The following NTRK2 variants were observed in gnomAD, a reference collection of about 807,000 sequenced individuals.
NTRK2 encodes the protein neurotrophic receptor tyrosine kinase 2, also known as BDNF/NT-3 growth factors receptor.
NTRK2 carries 13 observed loss-of-function variants against 94.5 expected under a neutral mutation model. The ratio of observed to expected loss-of-function variants is 0.14; its 90% CI spans 0.09 to 0.22. The LOEUF is 0.22. Ranked by LOEUF, NTRK2 falls within the 10% of genes least tolerant of loss-of-function variation. The pLI, the probability that NTRK2 is intolerant of heterozygous loss-of-function variation, is 1.00. For synonymous variants in NTRK2, 372 were observed against 407.4 expected, an observed-to-expected ratio of 0.91 and a Z score of 1.05; for missense variants, 639 against 1,071.2, an observed-to-expected ratio of 0.60 and a Z score of 5.63.
chr9:84,807,179 A>G (rs2071221331), intron 12 of NTRK2, among the ~76,000 whole-genome samples: 1 of 152,202 alleles, frequency 6.6e-6, no homozygotes, highest in Non-Finnish European at 1.5e-5. Flanking sequence ...GATCCTTGCC[A>G]TTTTATGGCT....
At chr9:84,789,479 C>T (rs962073813) in intron 12 of NTRK2, among the ~76,000 whole-genome samples, 3 of 152,082 alleles carry the variant, frequency 2.0e-5, no homozygotes, top group Admixed American at 6.6e-5. Context: ...CGGAAAACAC[C>T]GAGGCTCAAG....
chr9:84,704,314 C>T (rs1191117268), intron 4 of NTRK2, among the ~76,000 whole-genome samples: 2 of 149,366 alleles, frequency 1.3e-5, no homozygotes, highest in Middle Eastern at 3.4e-3. Flanking sequence ...CTGCAAGCTC[C>T]GCCTCCTGGG....
At chr9:85,003,127 T>G (rs745977948) in intron 17 of NTRK2, among the ~76,000 whole-genome samples, 12 of 152,216 alleles carry the variant, frequency 7.9e-5, no homozygotes, top group Non-Finnish European at 1.2e-4. Flanking sequence ...AGCAAAGCCA[T>G]TCAGCTCACC....
chr9:84,688,563 C>T (rs570126387), intron 2 of NTRK2, among the ~76,000 whole-genome samples: 2 of 152,258 alleles, frequency 1.3e-5, no homozygotes, highest in South Asian at 4.1e-4. Flanking sequence ...ATAGATCTGT[C>T]CCCAGCAGTC....
chr9:84,684,722 C>G (rs1269946328), intron 2 of NTRK2, among the ~76,000 whole-genome samples: 1 of 152,138 alleles, frequency 6.6e-6, no homozygotes, highest in Non-Finnish European at 1.5e-5. Context: ...ACCTCAATTG[C>G]TGTATTTTGC....
chr9:84,825,063 G>A (rs1423012516), intron 12 of NTRK2, among the ~76,000 whole-genome samples: 1 of 151,628 alleles, frequency 6.6e-6, no homozygotes, highest in African/African-American at 2.4e-5. Flanking sequence ...TGCTGTAGTG[G>A]ACAATTTGCT....
chr9:84,706,618 C>T (rs1659405), intron 4 of NTRK2, among the ~76,000 whole-genome samples: 74,075 of 148,470 alleles, frequency 0.5, 18,788 homozygotes, highest in East Asian at 0.59. Context: ...CAAGCTCTGC[C>T]TCCCGGGTTC....
intron 17 of NTRK2, among the ~76,000 whole-genome samples, chr9:84,989,132 C>G (rs1316072873): frequency 6.6e-6 from 1 of 152,170 alleles, no homozygotes; most frequent in Non-Finnish European, 1.5e-5. Flanking sequence ...GCTTGTAGGA[C>G]TAAAGTAGTA....
At chr9:84,756,078 A>C (rs1257452869) in intron 12 of NTRK2, among the ~76,000 whole-genome samples, 3 of 152,226 alleles carry the variant, frequency 2.0e-5, no homozygotes, top group Non-Finnish European at 4.4e-5. Flanking sequence ...TTTAATATGT[A>C]TGAATAAAAT....
At chr9:84,856,365 C>T (rs1348527105) in intron 12 of NTRK2, among the ~76,000 whole-genome samples, 1 of 152,180 alleles carries the variant, frequency 6.6e-6, no homozygotes, top group Non-Finnish European at 1.5e-5. Context: ...TGGCCCCAAA[C>T]TACACTGTTC....
intron 2 of NTRK2, among the ~76,000 whole-genome samples, chr9:84,688,327 T>C (rs1383645130): frequency 6.6e-6 from 1 of 152,178 alleles, no homozygotes; most frequent in Admixed American, 6.5e-5. Context: ...CTCTGCCTCA[T>C]TGTGCTTTTG....
intron 17 of NTRK2, among the ~76,000 whole-genome samples, chr9:84,967,561 C>T (rs1825699438): frequency 6.6e-6 from 1 of 152,256 alleles, no homozygotes; most frequent in African/African-American, 2.4e-5. Flanking sequence ...TCCAGGCTGG[C>T]TTCCTCCCTC....
chr9:84,944,388 G>A (rs371354185), intron 15 of NTRK2, among the ~76,000 whole-genome samples: 2 of 151,692 alleles, frequency 1.3e-5, no homozygotes, highest in Middle Eastern at 3.4e-3. Context: ...TCAGCCTCCC[G>A]AGTAGCTGGG....
chr9:84,724,898 T>A (rs181505072), intron 8 of NTRK2, among the ~76,000 whole-genome samples: 13 of 152,342 alleles, frequency 8.5e-5, no homozygotes, highest in Admixed American at 8.5e-4. Context: ...TTATTATTGT[T>A]TTAAATTTCT....
At position 85,022,975 on chromosome 9, in the gene NTRK2, GTGGTT is replaced by G. The variant is rs1157672642; in HGVS notation, c.*1540_*1544del. ...CTTGCTCTGGGCTCTAGTTGGGAGAGTGGTTTCATTCCAAGTGTACTCCATTGTCA... is the reference window on the plus strand; with the variant it reads ...CTTGCTCTGGGCTCTAGTTGGGAGAGTCATTCCAAGTGTACTCCATTGTCA... On this transcript the variant is annotated 3_prime_UTR_variant, in exon 19 of 19. Coordinates refer to ENST00000277120, the MANE Select transcript of NTRK2 (RefSeq NM_006180.6). The G allele has an allele frequency of 2.6e-5, 6 of 233,076 alleles. No homozygotes were observed. Among genetic ancestry groups the G allele is most frequent in the Non-Finnish European group, 5.1e-5 (6 of 118,024 alleles). The allele number at this position is 233,076 out of a possible 1,614,324, so 14.4% of individuals were successfully genotyped here. A position where few individuals can be genotyped will look rare whatever the true frequency, so the allele number is the denominator to read the frequency against.
intron 12 of NTRK2, among the ~76,000 whole-genome samples, chr9:84,838,226 A>G (rs1036983746): frequency 6.6e-6 from 1 of 152,226 alleles, no homozygotes; most frequent in Non-Finnish European, 1.5e-5. Flanking sequence ...CAGCTATAGT[A>G]CATCCAGAAG....
chr9:84,747,793 T>A (rs1304697361), intron 11 of NTRK2, among the ~76,000 whole-genome samples: 1 of 152,176 alleles, frequency 6.6e-6, no homozygotes, highest in East Asian at 1.9e-4. Flanking sequence ...CTGGGGTTTT[T>A]AAAATACAAA....
At chr9:84,867,569 G>T (rs1359129868) in intron 14 of NTRK2, 138 bp downstream of exon 14, 1 of 800,606 alleles carries the variant, frequency 1.2e-6, no homozygotes, top group Non-Finnish European at 2.2e-6. Flanking sequence ...GCAGCTTTTG[G>T]CCCAGGAATA....
Position 84,751,993 on chromosome 9 carries a change from C to G in NTRK2, c.1304C>G (p.Ala435Gly), listed in dbSNP as rs372937529. 1.2e-5 allele frequency: 19 copies of G among 1,613,648 alleles called. No homozygotes were observed. The highest frequency in any genetic ancestry group is 1.4e-5 in the Non-Finnish European group (17 of 1,179,754). The change falls in exon 12 of 19, where the codon GCT becomes GGT. Residue 435 changes from alanine (A) to glycine (G), a missense_variant. By Grantham distance (60) the Ala-to-Gly change is moderately conservative. This residue lies in a region of NTRK2 where 343 missense variants were observed against 571.5 expected (regional missense o/e 0.60). Coordinates refer to ENST00000277120, the MANE Select transcript of NTRK2 (RefSeq NM_006180.6). ...KTGREHLSVY[A>G]VVVIASVVGF... ...CTCCCTTCCTTTCTCTAGGTCTATGCTGTGGTGGTGATTGCGTCTGTGGTG... is the reference window on the plus strand; with the variant it reads ...CTCCCTTCCTTTCTCTAGGTCTATGGTGTGGTGGTGATTGCGTCTGTGGTG...
Sources: gnomAD v4.1 joint callset for allele counts (sites outside exome capture counted in the v4.1 genomes callset) on GRCh38, gnomAD v4.1.1 for gene constraint, gnomAD v4.1.1 regional missense constraint, MANE v1.5 for transcripts, NCBI Gene and HGNC (gene_info 2026-07-23, HGNC 2026-07-21) for gene names.